Variants in SCGB2B2 observed in about 807,000 individuals in gnomAD.
The protein encoded by SCGB2B2 is secretoglobin-like protein.
SCGB2B2 carries 11 observed loss-of-function variants against 7.6 expected under a neutral mutation model. The ratio of observed to expected loss-of-function variants is 1.45; its 90% confidence interval spans 0.91 to 2.40. The LOEUF (loss-of-function observed/expected upper bound fraction) is 2.40, where lower values mean the gene tolerates loss of function less well. Among genes scored for constraint, SCGB2B2 ranks in the 30% most tolerant of loss-of-function variants. The pLI is 0.00. For missense variants in SCGB2B2, 104 were observed against 115.4 expected (o/e 0.90, Z 0.45); for synonymous variants, 50 against 48.6 (o/e 1.03, Z -0.12).
At chr19:34,637,439 A>G (rs1171976143) in intron 1 of SCGB2B2, among the ~76,000 whole-genome samples, 1 of 152,166 alleles carries the variant, frequency 6.6e-6, no homozygotes, top group Non-Finnish European at 1.5e-5. Context: ...GGAAGCAAAG[A>G]GCCCAGCCTG....
intron 1 of SCGB2B2, among the ~76,000 whole-genome samples, chr19:34,641,570 C>T (rs182996994): frequency 1.1e-3 from 169 of 152,234 alleles, no homozygotes; most frequent in African/African-American, 3.9e-3. Context: ...AATTTGGTAG[C>T]GGAAGGTCAA....
chr19:34,665,940 G>A (rs1284376307), intron 1 of SCGB2B2, among the ~76,000 whole-genome samples: 1 of 152,100 alleles, frequency 6.6e-6, no homozygotes, highest in Non-Finnish European at 1.5e-5. Context: ...GGGGTCCAGA[G>A]AAGGAAGGAA....
intron 1 of SCGB2B2, among the ~76,000 whole-genome samples, chr19:34,612,849 C>T (rs190363950): frequency 9.9e-5 from 15 of 152,212 alleles, no homozygotes; most frequent in Non-Finnish European, 1.3e-4. Context: ...GTGTTGGGTG[C>T]ATATGTATTT....
At chr19:34,610,946 G>A (rs941138994) in intron 1 of SCGB2B2, among the ~76,000 whole-genome samples, 4 of 152,012 alleles carry the variant, frequency 2.6e-5, no homozygotes, top group African/African-American at 9.7e-5. Flanking sequence ...AGTCAGTGGA[G>A]TCTGGGTTTT....
intron 1 of SCGB2B2, among the ~76,000 whole-genome samples, chr19:34,611,910 C>CCCAAAGTGCTGGGATTACAGGCATGAG (rs2065937430): frequency 6.6e-6 from 1 of 151,986 alleles, no homozygotes; most frequent in Admixed American, 6.6e-5. Context: ...GCCTTGGCCT[C>CCCAAAGTGCTGGGATTACAGGCATGAG]CCAAAGTGCT....
chr19:34,653,147 A>G (rs2067203045), intron 1 of SCGB2B2, among the ~76,000 whole-genome samples: 1 of 151,288 alleles, frequency 6.6e-6, no homozygotes, highest in Non-Finnish European at 1.5e-5. Flanking sequence ...ATGTGGAAGT[A>G]AAAAAGCTGC....
intron 1 of SCGB2B2, among the ~76,000 whole-genome samples, chr19:34,600,036 T>TG (rs756771629): frequency 6.0e-4 from 89 of 149,268 alleles, no homozygotes; most frequent in Non-Finnish European, 1.0e-3. Context: ...CCTGATTTTA[T>TG]GGTTTTTTTT....
intron 1 of SCGB2B2, among the ~76,000 whole-genome samples, chr19:34,598,514 A>G (rs574173532): frequency 6.6e-5 from 10 of 151,046 alleles, no homozygotes; most frequent in South Asian, 4.2e-4. Flanking sequence ...CCTGCAGAGG[A>G]TTTTTGGACA....
chr19:34,599,855 T>C (rs1191841654), intron 1 of SCGB2B2, among the ~76,000 whole-genome samples: 1 of 152,106 alleles, frequency 6.6e-6, no homozygotes, highest in African/African-American at 2.4e-5. Context: ...CCCTGACCTC[T>C]AATCATCTTT....
intron 3 of SCGB2B2, 52 bp downstream of exon 3, chr19:34,594,123 G>A: frequency 6.9e-7 from 1 of 1,450,218 alleles, no homozygotes; most frequent in Non-Finnish European, 9.6e-7. Flanking sequence ...GGAAGTGCAA[G>A]CCTGGGACGT....
At chr19:34,599,984 C>A (rs1193816946) in intron 1 of SCGB2B2, among the ~76,000 whole-genome samples, 1 of 152,158 alleles carries the variant, frequency 6.6e-6, no homozygotes, top group Non-Finnish European at 1.5e-5. Flanking sequence ...TCATTGTGAG[C>A]CCCTCAAGGC....
intron 1 of SCGB2B2, among the ~76,000 whole-genome samples, chr19:34,668,090 G>A (rs1436877846): frequency 6.6e-6 from 1 of 152,238 alleles, no homozygotes; most frequent in Non-Finnish European, 1.5e-5. Flanking sequence ...TCCCACTTTG[G>A]CGGCACTTAA....
At chr19:34,658,779 C>G (rs1361245941) in intron 1 of SCGB2B2, among the ~76,000 whole-genome samples, 3 of 138,370 alleles carry the variant, frequency 2.2e-5, no homozygotes, top group Non-Finnish European at 3.0e-5. Context: ...GATACCAAAG[C>G]CTGGCAGAGA....
intron 1 of SCGB2B2, among the ~76,000 whole-genome samples, chr19:34,607,136 T>C (rs898403381): frequency 1.3e-5 from 2 of 152,258 alleles, no homozygotes; most frequent in Non-Finnish European, 2.9e-5. Context: ...AGTGAGGTCA[T>C]GCAGGATTTG....
chr19:34,672,921 C>A (rs767694708), intron 1 of SCGB2B2, among the ~76,000 whole-genome samples: 1 of 152,066 alleles, frequency 6.6e-6, no homozygotes, highest in Non-Finnish European at 1.5e-5. Flanking sequence ...AAAGGCCTCA[C>A]CTCTTAATAT....
intron 1 of SCGB2B2, among the ~76,000 whole-genome samples, chr19:34,602,790 T>C (rs1421198944): frequency 2.0e-5 from 3 of 152,190 alleles, no homozygotes; most frequent in African/African-American, 7.2e-5. Context: ...TTTGCTAGCC[T>C]TGGGTGTTTT....
intron 1 of SCGB2B2, among the ~76,000 whole-genome samples, chr19:34,606,446 A>ATTAT (rs2065779440): frequency 6.6e-6 from 1 of 151,926 alleles, no homozygotes; most frequent in East Asian, 1.9e-4. Flanking sequence ...GGGTGGGGAG[A>ATTAT]TTATTTGAGT....
intron 1 of SCGB2B2, among the ~76,000 whole-genome samples, chr19:34,599,434 G>T (rs981063899): frequency 6.6e-6 from 1 of 152,220 alleles, no homozygotes; most frequent in South Asian, 2.1e-4. Flanking sequence ...CCACGTGGCT[G>T]GGGAGGCCTC....
At chr19:34,657,441 G>A (rs1868365898) in intron 1 of SCGB2B2, among the ~76,000 whole-genome samples, 1 of 151,052 alleles carries the variant, frequency 6.6e-6, no homozygotes, top group Admixed American at 6.6e-5. Context: ...AAAAAGCAGG[G>A]GTTGCAATCC....
Sources: gnomAD v4.1 joint callset for allele counts (sites outside exome capture counted in the v4.1 genomes callset) on GRCh38, gnomAD v4.1.1 for gene constraint, MANE v1.5 for transcripts, NCBI Gene and HGNC (gene_info 2026-07-23, HGNC 2026-07-21) for gene names.